Variants in ZNF385D observed in about 807,000 individuals in gnomAD.
ZNF385D encodes zinc finger protein 385D.
Under a neutral mutation model 35.8 loss-of-function variants are expected in ZNF385D, and 15 were observed. The ratio of observed to expected loss-of-function variants is 0.42; its 90% CI spans 0.28 to 0.64. ZNF385D has a LOEUF of 0.64. Ranked by LOEUF, ZNF385D falls within the 30% of genes least tolerant of loss-of-function variation. The pLI, the probability that ZNF385D is intolerant of heterozygous loss-of-function variation, is 0.23. For missense variants in ZNF385D, 474 were observed against 494.6 expected, an observed-to-expected ratio of 0.96 and a Z score of 0.39; for synonymous variants, 212 against 186.8, an observed-to-expected ratio of 1.13 and a Z score of -1.10.
intron 3 of ZNF385D, among the ~76,000 whole-genome samples, chr3:21,807,458 T>C (rs1437827267): frequency 6.6e-6 from 1 of 152,132 alleles, no homozygotes; most frequent in African/African-American, 2.4e-5. Context: ...TCGCCAAGTT[T>C]AAAAGTAAAG....
At chr3:22,327,822 G>T (rs1694749077) in intron 2 of ZNF385D, among the ~76,000 whole-genome samples, 4 of 152,134 alleles carry the variant, frequency 2.6e-5, no homozygotes, top group African/African-American at 9.7e-5. Context: ...TGTGAATGTT[G>T]ACCTTGTATG....
chr3:22,248,204 G>A (rs933174706), intron 2 of ZNF385D, among the ~76,000 whole-genome samples: 1 of 152,048 alleles, frequency 6.6e-6, no homozygotes, highest in Non-Finnish European at 1.5e-5. Flanking sequence ...CTTTGCTAAG[G>A]GGAAAGAAAA....
chr3:21,913,592 A>G (rs1006173837), intron 3 of ZNF385D, among the ~76,000 whole-genome samples: 5 of 152,120 alleles, frequency 3.3e-5, no homozygotes, highest in Non-Finnish European at 5.9e-5. Flanking sequence ...ATCTCTGGGA[A>G]GCTGCTACAT....
intron 3 of ZNF385D, among the ~76,000 whole-genome samples, chr3:21,794,651 C>G (rs2072072037): frequency 6.6e-6 from 1 of 152,096 alleles, no homozygotes; most frequent in Admixed American, 6.5e-5. Flanking sequence ...CTTTTATAAG[C>G]ATGAACCCTG....
chr3:22,014,228 G>C (rs961533350), intron 3 of ZNF385D, among the ~76,000 whole-genome samples: 3 of 151,970 alleles, frequency 2.0e-5, no homozygotes, highest in Non-Finnish European at 4.4e-5. Flanking sequence ...AAGGGGGAAG[G>C]AAGAAAAGGA....
At chr3:21,863,908 C>A (rs1670192978) in intron 3 of ZNF385D, among the ~76,000 whole-genome samples, 1 of 152,076 alleles carries the variant, frequency 6.6e-6, no homozygotes, top group South Asian at 2.1e-4. Context: ...GCACATGAAT[C>A]ACCAGGAATC....
At chr3:21,948,686 G>A (rs201454864) in intron 3 of ZNF385D, among the ~76,000 whole-genome samples, 4 of 146,400 alleles carry the variant, frequency 2.7e-5, no homozygotes, top group African/African-American at 2.6e-5. Context: ...TGCCTTCTCT[G>A]TTTTCCAATT....
chr3:21,862,069 A>G (rs745384333), intron 3 of ZNF385D, among the ~76,000 whole-genome samples: 1 of 152,162 alleles, frequency 6.6e-6, no homozygotes, highest in Non-Finnish European at 1.5e-5. Context: ...TTTTAAAATT[A>G]TGGAATATTT....
intron 4 of ZNF385D, among the ~76,000 whole-genome samples, chr3:21,453,657 A>G (rs1265886275): frequency 1.3e-5 from 2 of 152,056 alleles, no homozygotes; most frequent in Admixed American, 1.3e-4. Flanking sequence ...CCATTTCACA[A>G]CCACTAGGAT....
intron 2 of ZNF385D, among the ~76,000 whole-genome samples, chr3:22,272,577 T>A (rs1289060087): frequency 6.6e-6 from 1 of 152,050 alleles, no homozygotes. Flanking sequence ...AAACCTGTGA[T>A]TTAGTTTAGG....
chr3:22,352,373 G>C (rs896310324), intron 2 of ZNF385D, among the ~76,000 whole-genome samples: 4 of 152,150 alleles, frequency 2.6e-5, no homozygotes, highest in African/African-American at 4.8e-5. Flanking sequence ...ATCCATTTAG[G>C]TTAGCAGAGC....
chr3:21,878,001 GTAAGTACCT>G (rs1444296691), intron 3 of ZNF385D: 1 of 151,938 alleles, frequency 6.6e-6, no homozygotes, highest in Non-Finnish European at 1.5e-5. Context: ...AGTGCTATTT[GTAAGTACCT>G]TAAATATATT....
intron 2 of ZNF385D, among the ~76,000 whole-genome samples, chr3:21,633,051 C>T (rs2065326272): frequency 6.6e-6 from 1 of 151,850 alleles, no homozygotes; most frequent in African/African-American, 2.4e-5. Flanking sequence ...TGAAAATGCA[C>T]AAAAGTCTAA....
chr3:21,881,317 A>G (rs888612148), intron 3 of ZNF385D, among the ~76,000 whole-genome samples: 1 of 151,982 alleles, frequency 6.6e-6, no homozygotes, highest in Non-Finnish European at 1.5e-5. Context: ...GGCGACTTTA[A>G]GTTGAAGCCA....
upstream of ZNF385D, among the ~76,000 whole-genome samples, chr3:21,755,564 T>C (rs182716340): frequency 3.9e-4 from 60 of 152,326 alleles, no homozygotes; most frequent in Middle Eastern, 0.01. Flanking sequence ...TCTGAGAACA[T>C]TTTTCTCACC....
chr3:22,032,968 G>A (rs764360965), intron 3 of ZNF385D, among the ~76,000 whole-genome samples: 2 of 152,062 alleles, frequency 1.3e-5, no homozygotes, highest in African/African-American at 2.4e-5. Context: ...AGTTTGATCT[G>A]CATCATTCCG....
intron 1 of ZNF385D, among the ~76,000 whole-genome samples, chr3:21,699,345 AGGGG>A (rs2067589317): frequency 6.6e-6 from 1 of 151,688 alleles, no homozygotes; most frequent in Non-Finnish European, 1.5e-5. Context: ...TCAGGGGGTG[AGGGG>A]CTAGGGGAGG....
chr3:22,295,254 A>G (rs563650735), intron 2 of ZNF385D, among the ~76,000 whole-genome samples: 1 of 152,106 alleles, frequency 6.6e-6, no homozygotes, highest in Admixed American at 6.6e-5. Flanking sequence ...AACATTCCCA[A>G]TACATTAGGA....
chr3:21,696,691 C>G (rs998651808), intron 1 of ZNF385D, among the ~76,000 whole-genome samples: 3 of 152,224 alleles, frequency 2.0e-5, no homozygotes, highest in Non-Finnish European at 4.4e-5. Context: ...CATCAAGCTT[C>G]TACAATGCAT....
Sources: allele counts gnomAD v4.1 joint callset (sites outside exome capture counted in the v4.1 genomes callset), GRCh38; gene constraint gnomAD v4.1.1; transcripts MANE v1.5; gene names NCBI Gene and HGNC (gene_info 2026-07-23, HGNC 2026-07-21).